The following BCAS3 variants were observed in gnomAD, a reference collection of about 807,000 sequenced individuals.
BCAS3 encodes the protein BCAS3 microtubule associated cell migration factor, also known as BCAS4/BCAS3 fusion.
BCAS3 carries 53 observed loss-of-function variants against 116.1 expected under a neutral mutation model. The ratio of observed to expected loss-of-function variants is 0.46; its 90% CI spans 0.37 to 0.57. BCAS3 has a LOEUF of 0.57. Ranked by LOEUF, BCAS3 falls within the 20% of genes least tolerant of loss-of-function variation. The pLI, the probability that BCAS3 is intolerant of heterozygous loss-of-function variation, is 0.00. For missense variants in BCAS3, 917 were observed against 1,165.4 expected, an observed-to-expected ratio of 0.79 and a Z score of 3.10; for synonymous variants, 391 against 408.2, an observed-to-expected ratio of 0.96 and a Z score of 0.51.
intron 13 of BCAS3, among the ~76,000 whole-genome samples, chr17:60,946,452 C>G (rs1430366439): frequency 1.3e-5 from 2 of 152,096 alleles, no homozygotes; most frequent in East Asian, 3.9e-4. Flanking sequence ...AGAACTTTCT[C>G]TGTAATAGAC....
chr17:61,296,477 A>G (rs1378995522), intron 22 of BCAS3, among the ~76,000 whole-genome samples: 1 of 152,186 alleles, frequency 6.6e-6, no homozygotes, highest in African/African-American at 2.4e-5. Flanking sequence ...TTTTTGAAAA[A>G]GGTAATTTTG....
At chr17:61,160,183 GT>G (rs5821308) in intron 22 of BCAS3, among the ~76,000 whole-genome samples, 22 of 146,354 alleles carry the variant, frequency 1.5e-4, no homozygotes, top group African/African-American at 2.3e-4. Flanking sequence ...AAGCAGGGTG[GT>G]TTTTTTTTTT....
At chr17:60,778,420 G>A (rs1256402964) in intron 6 of BCAS3, among the ~76,000 whole-genome samples, 1 of 151,954 alleles carries the variant, frequency 6.6e-6, no homozygotes, top group Non-Finnish European at 1.5e-5. Context: ...TTGTGGTGCA[G>A]CAAAATTTTA....
At chr17:60,761,856 C>T (rs1243149788) in intron 6 of BCAS3, among the ~76,000 whole-genome samples, 1 of 144,830 alleles carries the variant, frequency 6.9e-6, no homozygotes, top group African/African-American at 2.9e-5. Context: ...TCCACATCCT[C>T]TCCAGCACCT....
At chr17:61,036,780 T>G (rs533141368) in intron 17 of BCAS3, among the ~76,000 whole-genome samples, 2 of 152,338 alleles carry the variant, frequency 1.3e-5, no homozygotes, top group East Asian at 3.9e-4. Context: ...ATTAGATCCA[T>G]ATTCAGCACC....
intron 14 of BCAS3, among the ~76,000 whole-genome samples, chr17:60,954,644 G>A (rs1440691692): frequency 6.6e-6 from 1 of 152,116 alleles, no homozygotes; most frequent in African/African-American, 2.4e-5. Context: ...TTCTTCTAAT[G>A]TTCCCATCAG....
chr17:60,700,468 G>C (rs1047708333), intron 4 of BCAS3, among the ~76,000 whole-genome samples: 2 of 152,208 alleles, frequency 1.3e-5, no homozygotes, highest in Admixed American at 1.3e-4. Context: ...TTTGAGTGGA[G>C]TTTGCACTCC....
At position 60,961,598 on chromosome 17, in the gene BCAS3, CT is replaced by C. The variant is rs1297027359; in HGVS notation, c.1221+14252del. Among the ~76,000 whole-genome samples the C allele has an allele frequency of 4.6e-5, 7 of 151,918 alleles. No individual in the cohort carries two copies. Among genetic ancestry groups the C allele is most frequent in the African/African-American group, 9.7e-5 (4 of 41,370 alleles). On this transcript the variant is annotated intron_variant, in intron 14 of 23. Transcript: ENST00000407086. The surrounding 1 kb of genome is among the most constrained non-coding windows in gnomAD (Gnocchi z 4.8). ...GTTTCTATACCATATCAAATTTCTCCTTTTTTATACTTAAAAAAATATACAT... is the reference window on the plus strand; with the variant it reads ...GTTTCTATACCATATCAAATTTCTCCTTTTTATACTTAAAAAAATATACAT...
intron 4 of BCAS3, among the ~76,000 whole-genome samples, chr17:60,697,447 G>A (rs1345247586): frequency 6.6e-6 from 1 of 151,930 alleles, no homozygotes; most frequent in Non-Finnish European, 1.5e-5. Flanking sequence ...GCTGGGCATG[G>A]TGGCAGGTGC....
At chr17:60,975,279 G>A (rs1398143777) in intron 14 of BCAS3, among the ~76,000 whole-genome samples, 3 of 152,076 alleles carry the variant, frequency 2.0e-5, no homozygotes, top group Non-Finnish European at 4.4e-5. Context: ...GGGATTACAG[G>A]CGTGAGCCAC....
chr17:61,316,843 T>C lies in BCAS3; in HGVS notation c.2426-51484T>C, dbSNP rs1166381163. Among the ~76,000 whole-genome samples the C allele has an allele frequency of 6.6e-6, 1 of 152,212 alleles. No individual in the cohort carries two copies. Among genetic ancestry groups the C allele is most frequent in the African/African-American group, 2.4e-5 (1 of 41,450 alleles). On this transcript the variant is annotated intron_variant, in intron 22 of 23. Transcript: ENST00000407086. The surrounding 1 kb of genome is among the most constrained non-coding windows in gnomAD (Gnocchi z 5.8). ...CCATGTAGGTTTATTAAATTAACAGTTGCAATTTATGTTTAGCGGTTTCCC... is the reference window on the plus strand; with the variant it reads ...CCATGTAGGTTTATTAAATTAACAGCTGCAATTTATGTTTAGCGGTTTCCC...
chr17:61,226,497 A>C lies in BCAS3; in HGVS notation c.2426-141830A>C, dbSNP rs906894261. Among the ~76,000 whole-genome samples, 1 of 152,354 alleles carries C rather than the reference A, an allele frequency of 6.6e-6. No individual in the cohort carries two copies. The highest frequency in any genetic ancestry group is 6.5e-5 in the Admixed American group (1 of 15,302). On this transcript the variant is annotated intron_variant, in intron 22 of 23. Coordinates refer to ENST00000407086, the MANE Select transcript of BCAS3 (RefSeq NM_017679.5). The surrounding 1 kb of genome is among the most constrained non-coding windows in gnomAD (Gnocchi z 6.0). ...TATTGAATACACTTTGCTGTAGGAC[A>C]GGGCCTAGCCCATAATAGGCATGCA...
intron 22 of BCAS3, among the ~76,000 whole-genome samples, chr17:61,216,023 G>A (rs1204418111): frequency 1.3e-5 from 2 of 152,158 alleles, no homozygotes; most frequent in African/African-American, 4.8e-5. Context: ...AGAACACTCT[G>A]CTGAATATTT....
At chr17:61,074,158 TG>T (rs1006094353) in intron 19 of BCAS3, among the ~76,000 whole-genome samples, 3 of 149,256 alleles carry the variant, frequency 2.0e-5, no homozygotes, top group African/African-American at 7.4e-5. Flanking sequence ...TGTATGAGGT[TG>T]GGGGGTTATA....
At chr17:61,039,235 A>G (rs942138969) in intron 18 of BCAS3, among the ~76,000 whole-genome samples, 1 of 152,150 alleles carries the variant, frequency 6.6e-6, no homozygotes, top group African/African-American at 2.4e-5. Flanking sequence ...TTCACTTAGC[A>G]TATTTTCAAG....
chr17:60,863,809 C>A (rs993067783), intron 7 of BCAS3, among the ~76,000 whole-genome samples: 8 of 150,450 alleles, frequency 5.3e-5, no homozygotes, highest in East Asian at 1.9e-4. Flanking sequence ...GGCATTATGT[C>A]AAAAAAAAAT....
Position 61,354,515 on chromosome 17 carries a change from T to A in BCAS3, c.2426-13812T>A, listed in dbSNP as rs1334940623. ...CACAGCCACTCTAGTAAGTGACCCC[T>A]CCATTGTCCAAAACAGTGCTGCTGC... is the stretch of plus-strand genomic sequence containing the variant. On this transcript the variant is annotated intron_variant, in intron 22 of 23. Transcript: ENST00000407086. The surrounding 1 kb of genome is among the most constrained non-coding windows in gnomAD (Gnocchi z 4.5). The A allele has an allele frequency of 6.6e-6, 1 of 152,278 alleles. No individual in the cohort carries two copies. Among genetic ancestry groups the A allele is most frequent in the African/African-American group, 2.4e-5 (1 of 41,428 alleles). The allele number at this position is 152,278 out of a possible 1,614,324, so 9.4% of individuals were successfully genotyped here. A position where few individuals can be genotyped will look rare whatever the true frequency, so the allele number is the denominator to read the frequency against.
intron 22 of BCAS3, among the ~76,000 whole-genome samples, chr17:61,103,236 G>C (rs770952707): frequency 3.9e-5 from 6 of 152,060 alleles, no homozygotes; most frequent in Admixed American, 2.0e-4. Flanking sequence ...TAATAAATTT[G>C]TATATTAAAT....
At chr17:60,692,640 A>G (rs2035001899) in intron 4 of BCAS3, among the ~76,000 whole-genome samples, 1 of 151,574 alleles carries the variant, frequency 6.6e-6, no homozygotes. Context: ...AGGCTGAGGC[A>G]GGAGAATCAC....
Sources: gnomAD v4.1 joint callset for allele counts (sites outside exome capture counted in the v4.1 genomes callset) on GRCh38, gnomAD v4.1.1 for gene constraint, Gnocchi (gnomAD v3.1) non-coding constraint, MANE v1.5 for transcripts, NCBI Gene and HGNC (gene_info 2026-07-23, HGNC 2026-07-21) for gene names.